The following XKR6 variants were observed in gnomAD, a reference collection of about 807,000 sequenced individuals.
The protein encoded by XKR6 is XK related 6.
In XKR6, 22 loss-of-function variants were observed where a neutral mutation model predicts 56.7. The observed-to-expected ratio is 0.39, with a 90% CI of 0.28 to 0.55. The LOEUF (loss-of-function observed/expected upper bound fraction) is 0.55, where lower values mean the gene tolerates loss of function less well. Among genes scored for constraint, XKR6 ranks in the 20% least tolerant of loss-of-function variants. The pLI is 0.66. For synonymous variants in XKR6, 524 were observed against 387.8 expected (o/e 1.35, Z -4.13); for missense variants, 852 against 889.0 (o/e 0.96, Z 0.53).
At chr8:11,055,966 C>G (rs866337834) in intron 1 of XKR6, among the ~76,000 whole-genome samples, 1 of 152,184 alleles carries the variant, frequency 6.6e-6, no homozygotes, top group Admixed American at 6.5e-5. Flanking sequence ...AACAGGAAGC[C>G]TGTCTGAAGG....
intron 2 of XKR6, among the ~76,000 whole-genome samples, chr8:10,908,529 G>A (rs1800248158): frequency 6.6e-6 from 1 of 151,968 alleles, no homozygotes; most frequent in East Asian, 1.9e-4. Context: ...CCTCAGACAT[G>A]CTCCAGCCGC....
chr8:11,125,232 G>A (rs2116871399), intron 1 of XKR6, among the ~76,000 whole-genome samples: 1 of 152,266 alleles, frequency 6.6e-6, no homozygotes, highest in Non-Finnish European at 1.5e-5. Flanking sequence ...GGACCAAGCT[G>A]AGGACCGGAG....
intron 2 of XKR6, among the ~76,000 whole-genome samples, chr8:10,900,256 C>T (rs1220176837): frequency 6.6e-6 from 1 of 152,090 alleles, no homozygotes; most frequent in Admixed American, 6.6e-5. Flanking sequence ...ATACAGAAGC[C>T]CCATTCATCA....
At chr8:11,016,054 C>T (rs4841478) in intron 1 of XKR6, among the ~76,000 whole-genome samples, 72,354 of 152,100 alleles carry the variant, frequency 0.48, 21,987 homozygotes, top group African/African-American at 0.86. Context: ...ATCCCTGCCC[C>T]CTTCCACTGC....
At chr8:11,133,299 C>A (rs1367363533) in intron 1 of XKR6, among the ~76,000 whole-genome samples, 3 of 152,130 alleles carry the variant, frequency 2.0e-5, no homozygotes, top group Non-Finnish European at 4.4e-5. Flanking sequence ...ACATCAGGCC[C>A]TCCTTTGTGA....
At chr8:11,087,532 G>C (rs1358636002) in intron 1 of XKR6, among the ~76,000 whole-genome samples, 1 of 152,206 alleles carries the variant, frequency 6.6e-6, no homozygotes, top group African/African-American at 2.4e-5. Context: ...CTTAAAGAGA[G>C]ATATAGGAAG....
chr8:10,940,200 G>C (rs1801345242), intron 1 of XKR6, among the ~76,000 whole-genome samples: 1 of 152,190 alleles, frequency 6.6e-6, no homozygotes, highest in African/African-American at 2.4e-5. Flanking sequence ...GGAGAGACGG[G>C]GAGGGAGGGA....
At chr8:11,102,528 T>C (rs1402427156) in intron 1 of XKR6, among the ~76,000 whole-genome samples, 2 of 152,146 alleles carry the variant, frequency 1.3e-5, no homozygotes, top group Admixed American at 1.3e-4. Context: ...GAAGCAAGAA[T>C]GGAAGGGGAC....
At chr8:11,123,840 C>T (rs1460419761) in intron 1 of XKR6, 1 of 456,298 alleles carries the variant, frequency 2.2e-6, no homozygotes, top group Non-Finnish European at 4.4e-6. Context: ...CAAGGCAGTT[C>T]CAGTGTCCCG....
intron 1 of XKR6, among the ~76,000 whole-genome samples, chr8:11,038,132 G>A (rs959037822): frequency 2.6e-5 from 4 of 152,082 alleles, no homozygotes; most frequent in Non-Finnish European, 4.4e-5. Flanking sequence ...GAAAGGGGCC[G>A]GTTTTTCTCA....
At chr8:11,062,836 C>T (rs540637047) in intron 1 of XKR6, 28 of 456,292 alleles carry the variant, frequency 6.1e-5, no homozygotes, top group African/African-American at 1.8e-4. Flanking sequence ...CGTGGCCGTG[C>T]GCCTGAGTTC....
At chr8:10,961,047 C>T (rs1361784577) in intron 1 of XKR6, among the ~76,000 whole-genome samples, 1 of 152,060 alleles carries the variant, frequency 6.6e-6, no homozygotes, top group Admixed American at 6.6e-5. Context: ...GGGCAGAGGG[C>T]ACGGGTGCTG....
At chr8:11,093,258 T>C (rs1798141958) in intron 1 of XKR6, among the ~76,000 whole-genome samples, 1 of 152,168 alleles carries the variant, frequency 6.6e-6, no homozygotes, top group Non-Finnish European at 1.5e-5. Flanking sequence ...TTTCACCATG[T>C]TGACCAGGCT....
At chr8:11,162,106 A>C (rs571874518) in intron 1 of XKR6, among the ~76,000 whole-genome samples, 31 of 152,242 alleles carry the variant, frequency 2.0e-4, no homozygotes, top group Non-Finnish European at 4.4e-4. Context: ...CAAGATAGAA[A>C]GCTTTTTATT....
At chr8:11,078,421 G>C (rs766081170) in intron 1 of XKR6, among the ~76,000 whole-genome samples, 3 of 152,162 alleles carry the variant, frequency 2.0e-5, no homozygotes, top group Non-Finnish European at 4.4e-5. Context: ...GGATCCACCA[G>C]GTACCGTCTG....
At chr8:11,190,825 T>C (rs1803533158) in intron 1 of XKR6, among the ~76,000 whole-genome samples, 1 of 152,218 alleles carries the variant, frequency 6.6e-6, no homozygotes, top group Admixed American at 6.5e-5. Flanking sequence ...ATAGGTTACT[T>C]TATCACTTTA....
chr8:11,186,819 C>T (rs144527231), intron 1 of XKR6, among the ~76,000 whole-genome samples: 1 of 152,352 alleles, frequency 6.6e-6, no homozygotes, highest in Non-Finnish European at 1.5e-5. Context: ...TACTGTTCTA[C>T]TGTGTTCAGT....
In XKR6 at chr8:11,027,428, C is replaced by T. The variant is rs183385529; in HGVS notation, c.765-102598G>A. Among the ~76,000 whole-genome samples, 49 of 152,330 alleles carry T rather than the reference C, an allele frequency of 3.2e-4. 1 individual carries two copies. Among genetic ancestry groups the T allele is most frequent in the Non-Finnish European group, 6.8e-4 (46 of 68,030 alleles). Reference sequence around the variant, plus strand: ...AATTTAAAACCCCAAATGTGATTCACATTTATGGTCCACCTTATATTCCTA... The same window carrying T: ...AATTTAAAACCCCAAATGTGATTCATATTTATGGTCCACCTTATATTCCTA... On this transcript the variant is annotated intron_variant, in intron 1 of 2. Transcript: ENST00000416569.
At chr8:11,168,149 T>C (rs1320427754) in intron 1 of XKR6, among the ~76,000 whole-genome samples, 1 of 152,022 alleles carries the variant, frequency 6.6e-6, no homozygotes, top group African/African-American at 2.4e-5. Flanking sequence ...AGCAACAAAA[T>C]CCTAAGGCAT....
Sources: allele counts gnomAD v4.1 joint callset (sites outside exome capture counted in the v4.1 genomes callset), GRCh38; gene constraint gnomAD v4.1.1; transcripts MANE v1.5; gene names NCBI Gene and HGNC (gene_info 2026-07-23, HGNC 2026-07-21).